Variants in PTPRE observed in about 807,000 individuals in gnomAD.
The protein encoded by PTPRE is protein tyrosine phosphatase receptor type E.
Under a neutral mutation model 102.0 loss-of-function variants are expected in PTPRE, and 51 were observed. The ratio of observed to expected loss-of-function variants is 0.50; its 90% CI spans 0.40 to 0.63. The LOEUF is 0.63. Ranked by LOEUF, PTPRE falls within the 30% of genes least tolerant of loss-of-function variation. PTPRE has a pLI of 0.00. For synonymous variants in PTPRE, 345 were observed against 348.2 expected, an observed-to-expected ratio of 0.99 and a Z score of 0.10; for missense variants, 752 against 915.1, an observed-to-expected ratio of 0.82 and a Z score of 2.30.
intron 6 of PTPRE, among the ~76,000 whole-genome samples, chr10:128,050,412 A>AGATG (rs954935464): frequency 1.5e-5 from 2 of 130,524 alleles, no homozygotes; most frequent in South Asian, 2.6e-4. Flanking sequence ...GTGGGAGGGC[A>AGATG]GATGGATGGA....
chr10:128,012,630 G>A (rs141312248), intron 2 of PTPRE, among the ~76,000 whole-genome samples: 1 of 152,320 alleles, frequency 6.6e-6, no homozygotes, highest in East Asian at 1.9e-4. Flanking sequence ...CATGGACGAG[G>A]CATCATTTCC....
intron 1 of PTPRE, among the ~76,000 whole-genome samples, chr10:127,970,756 C>G (rs186746222): frequency 6.7e-6 from 1 of 150,364 alleles, no homozygotes; most frequent in African/African-American, 2.4e-5. Flanking sequence ...ATCATGGCTG[C>G]GCTCACAAAA....
intron 19 of PTPRE, among the ~76,000 whole-genome samples, chr10:128,078,224 A>G (rs1021914640): frequency 6.6e-6 from 1 of 152,212 alleles, no homozygotes; most frequent in Non-Finnish European, 1.5e-5. Context: ...AGGAGTCCCA[A>G]CTGGGATTGT....
chr10:127,965,875 C>A (rs1032468509), intron 1 of PTPRE, among the ~76,000 whole-genome samples: 5 of 152,356 alleles, frequency 3.3e-5, no homozygotes, highest in African/African-American at 9.6e-5. Context: ...ACCCTGGACA[C>A]CTGGACATGT....
chr10:128,060,373 CCTCACTGTG>C (rs1422835769), intron 7 of PTPRE, among the ~76,000 whole-genome samples: 1 of 152,214 alleles, frequency 6.6e-6, no homozygotes, highest in East Asian at 1.9e-4. Context: ...ACCAGACGCT[CCTCACTGTG>C]CTCGCCTTCC....
intron 2 of PTPRE, among the ~76,000 whole-genome samples, chr10:128,025,173 A>AAAAAAAAAAAAAAAC (rs1846204577): frequency 6.6e-6 from 1 of 151,500 alleles, no homozygotes; most frequent in Non-Finnish European, 1.5e-5. Flanking sequence ...AAAAAAAAAA[A>AAAAAAAAAAAAAAAC]AAAAAAAAGA....
chr10:128,072,049 A>T (rs1850817361), intron 15 of PTPRE, 89 bp from the exon 16 acceptor site: 1 of 990,512 alleles, frequency 1.0e-6, no homozygotes, highest in Admixed American at 2.3e-5. Context: ...TATTAATAGG[A>T]TCTATATTTT....
intron 10 of PTPRE, among the ~76,000 whole-genome samples, chr10:128,063,478 A>T (rs552208584): frequency 6.6e-6 from 1 of 152,196 alleles, no homozygotes; most frequent in African/African-American, 2.4e-5. Context: ...GATGAGAGAC[A>T]TGAATCTTAG....
chr10:128,045,165 C>T (rs904416237), intron 3 of PTPRE, among the ~76,000 whole-genome samples: 12 of 152,386 alleles, frequency 7.9e-5, no homozygotes, highest in African/African-American at 2.2e-4. Flanking sequence ...ACACCAGGAA[C>T]AGAGCTGGGG....
chr10:128,009,026 C>T (rs1355361023), intron 2 of PTPRE, among the ~76,000 whole-genome samples: 1 of 152,176 alleles, frequency 6.6e-6, no homozygotes, highest in Non-Finnish European at 1.5e-5. Context: ...AAACTCAGTC[C>T]TGGAGGCCCG....
chr10:128,013,998 A>G (rs1237247110), intron 2 of PTPRE, among the ~76,000 whole-genome samples: 1 of 152,126 alleles, frequency 6.6e-6, no homozygotes, highest in Non-Finnish European at 1.5e-5. Flanking sequence ...ACAAGACCCA[A>G]TGTGCCCCTA....
At chr10:127,993,459 T>TG (rs886599997) in intron 2 of PTPRE, among the ~76,000 whole-genome samples, 1 of 152,046 alleles carries the variant, frequency 6.6e-6, no homozygotes, top group Admixed American at 6.6e-5. Flanking sequence ...CAGACGGGGA[T>TG]GGGGGGCCAG....
At chr10:128,079,519 T>TG (rs1851520427) in intron 19 of PTPRE, 41 bp from the exon 20 acceptor site, 2 of 1,600,778 alleles carry the variant, frequency 1.2e-6, no homozygotes, top group Non-Finnish European at 1.7e-6. Context: ...CATCCCCAAG[T>TG]GCAAGTCGGA....
Position 128,068,096 on chromosome 10 carries a change from A to G in PTPRE, c.844-27A>G, listed in dbSNP as rs866415255. On this transcript the variant is annotated intron_variant, in intron 11 of 20. Transcript: ENST00000254667. ...GAGCAGGGGGAGGATTGTTTCACCCACTCTTGTCTCCCCGCGTCCCCCGCA... is the reference window on the plus strand; with the variant it reads ...GAGCAGGGGGAGGATTGTTTCACCCGCTCTTGTCTCCCCGCGTCCCCCGCA... 3.8e-6 allele frequency: 6 copies of G among 1,598,214 alleles called. No homozygotes were observed. In the Middle Eastern group the frequency reaches 1.1e-3, roughly 288 times the overall value.
intron 19 of PTPRE, among the ~76,000 whole-genome samples, chr10:128,078,354 A>G (rs1045233824): frequency 6.6e-6 from 1 of 152,246 alleles, no homozygotes; most frequent in Non-Finnish European, 1.5e-5. Context: ...CAGCACGCCC[A>G]GGGGCAGATA....
chr10:128,028,860 C>T lies in PTPRE; in HGVS notation c.-7-12015C>T, dbSNP rs376731050. Among the ~76,000 whole-genome samples, 3 of 152,274 alleles carry T rather than the reference C, an allele frequency of 2.0e-5. No homozygotes were observed. Among genetic ancestry groups the T allele is most frequent in the South Asian group, 4.1e-4 (2 of 4,824 alleles). On this transcript the variant is annotated intron_variant, in intron 2 of 20. Transcript: ENST00000254667. This position sits in a 1 kb window ranked among gnomAD's most constrained non-coding sequence, Gnocchi z 4.5. ...CCGGCCCAGCCCTGGCCACCCCAGA[C>T]GTCTGGCCCTCGTCCCGAATGCTGT...
intron 3 of PTPRE, among the ~76,000 whole-genome samples, chr10:128,043,889 A>C (rs1847899465): frequency 6.6e-6 from 1 of 152,200 alleles, no homozygotes; most frequent in Non-Finnish European, 1.5e-5. Context: ...CCCGTGGTGC[A>C]TTTCATCTGT....
chr10:128,004,908 T>C (rs925919565), intron 2 of PTPRE, among the ~76,000 whole-genome samples: 1 of 152,196 alleles, frequency 6.6e-6, no homozygotes, highest in African/African-American at 2.4e-5. Context: ...CTTCCTTTTA[T>C]TTTTTTCTAA....
chr10:128,065,908 C>G (rs1850043596), intron 10 of PTPRE, among the ~76,000 whole-genome samples, 167 bp from the exon 11 acceptor site: 1 of 152,192 alleles, frequency 6.6e-6, no homozygotes, highest in South Asian at 2.1e-4. Flanking sequence ...AGTTACGCAG[C>G]CTCAGTTTCC....
Sources: allele counts gnomAD v4.1 joint callset (sites outside exome capture counted in the v4.1 genomes callset), GRCh38; gene constraint gnomAD v4.1.1; non-coding constraint Gnocchi (gnomAD v3.1); transcripts MANE v1.5; gene names NCBI Gene and HGNC (gene_info 2026-07-23, HGNC 2026-07-21).